The following TP53BP2 variants were observed in gnomAD, a reference collection of about 807,000 sequenced individuals.
TP53BP2 encodes the protein tumor protein p53 binding protein 2.
A neutral mutation model predicts 126.2 loss-of-function variants in TP53BP2; 62 were observed. That is an observed-to-expected ratio of 0.49 (90% CI 0.40 to 0.61). TP53BP2 has a LOEUF of 0.61. Ranked by LOEUF, TP53BP2 falls within the 20% of genes least tolerant of loss-of-function variation. The pLI is 0.00. For missense variants in TP53BP2, 1,215 were observed against 1,402.8 expected, an observed-to-expected ratio of 0.87 and a Z score of 2.14; for synonymous variants, 485 against 502.9, an observed-to-expected ratio of 0.96 and a Z score of 0.48.
At position 223,802,901 on chromosome 1, in the gene TP53BP2, TA is replaced by T. The variant is rs1662578715; in HGVS notation, c.832-7del. 6.2e-7 allele frequency: 1 copy of T among 1,613,828 alleles called. No homozygotes were observed. Among genetic ancestry groups the T allele is most frequent in the Non-Finnish European group, 8.5e-7 (1 of 1,179,976 alleles). On this transcript the variant is annotated splice_region_variant and splice_polypyrimidine_tract_variant and intron_variant, in intron 7 of 17. Transcript: ENST00000343537. ...TGATTCAATTTGTTTCTTAGCTGAA[TA>T]AAAGAGAGGGGAAAAAAGGTAGCCA...
At chr1:223,836,992 C>G (rs1043827447) in intron 1 of TP53BP2, among the ~76,000 whole-genome samples, 2 of 152,100 alleles carry the variant, frequency 1.3e-5, no homozygotes, top group African/African-American at 4.8e-5. Context: ...ACCTACATAT[C>G]ACAAACTAAG....
chr1:223,786,520 AAAATT>A (rs1451372639), intron 16 of TP53BP2, among the ~76,000 whole-genome samples: 15 of 152,250 alleles, frequency 9.9e-5, no homozygotes, highest in African/African-American at 2.4e-5. Flanking sequence ...GATGGTCAAT[AAAATT>A]AATACAGCAA....
rs1232323749 is a variant in TP53BP2 at position 223,796,997 on chromosome 1, G to A, written c.1949-407C>T. On this transcript the variant is annotated intron_variant, in intron 12 of 17. Coordinates refer to ENST00000343537, the MANE Select transcript of TP53BP2 (RefSeq NM_001031685.3). The surrounding 1 kb of genome is among the most constrained non-coding windows in gnomAD (Gnocchi z 4.2). ...TTTCACTTTTCAAAAGTGAATCAAC[G>A]TGAGAACTTCTATTTGGCTTATAAA... Among the ~76,000 whole-genome samples the A allele has an allele frequency of 2.0e-5, 3 of 152,096 alleles. No homozygotes were observed. The highest frequency in any genetic ancestry group is 4.4e-5 in the Non-Finnish European group (3 of 68,014).
At chr1:223,785,965 G>A (rs991356640) in intron 16 of TP53BP2, among the ~76,000 whole-genome samples, 4 of 152,072 alleles carry the variant, frequency 2.6e-5, no homozygotes, top group Admixed American at 6.6e-5. Flanking sequence ...GTACCAAAAT[G>A]TTCACAGGGA....
intron 11 of TP53BP2, 115 bp from the exon 12 acceptor site, chr1:223,798,792 C>A: frequency 1.0e-6 from 1 of 963,156 alleles, no homozygotes; most frequent in Non-Finnish European, 1.5e-6. Flanking sequence ...TTAGCTCTGG[C>A]CGGGTGCAGG....
At position 223,796,086 on chromosome 1, in the gene TP53BP2, T is replaced by C. The variant is rs771767038; in HGVS notation, c.2453A>G (p.Asp818Gly). The C allele has an allele frequency of 2.5e-6, 4 of 1,614,156 alleles. No homozygotes were observed. The East Asian group carries it at 8.9e-5, about 36-fold the overall frequency. The change falls in exon 13 of 18, where the codon GAT (aspartate) becomes GGT (glycine). Residue 818 changes from aspartate (D) to glycine (G), a missense_variant. Coordinates refer to ENST00000343537, the MANE Select transcript of TP53BP2 (RefSeq NM_001031685.3). The surrounding 1 kb of genome is among the most constrained non-coding windows in gnomAD (Gnocchi z 4.2). ...SLVPESLSPE[D>G]VGNASTENSD... ...GTTCTCTGTACTGGCATTCCCCACA[T>C]CCTCTGGGGACAATGATTCAGGAAC...
intron 1 of TP53BP2, among the ~76,000 whole-genome samples, chr1:223,823,740 G>A (rs1663397267): frequency 6.6e-6 from 1 of 152,200 alleles, no homozygotes; most frequent in African/African-American, 2.4e-5. Context: ...TGCTCCCAAA[G>A]TATACAGCAT....
chr1:223,798,480 T>C lies in TP53BP2; in HGVS notation c.1683A>G (p.Leu561=), dbSNP rs142755977. The C allele has an allele frequency of 9.7e-5, 156 of 1,614,212 alleles. No homozygotes were observed. In the Admixed American group the frequency reaches 1.0e-3, roughly 10 times the overall value. Residue 561 remains leucine (L), a synonymous_variant, in exon 12 of 18, where the codon CTA becomes CTG. Coordinates refer to ENST00000343537, the MANE Select transcript of TP53BP2 (RefSeq NM_001031685.3). ...GGCCAACCGAAGGTATGCTGGGAGA[T>C]AGCAGCACTCTCGGCTGCTGCCCTG... ...KPAGQQPRVL[L]SPSIPSVGQD... is the part of the protein sequence containing the mutation.
At chr1:223,791,692 T>C (rs186236145) in intron 15 of TP53BP2, among the ~76,000 whole-genome samples, 1 of 152,316 alleles carries the variant, frequency 6.6e-6, no homozygotes, top group Admixed American at 6.5e-5. Flanking sequence ...TATAGTGTGA[T>C]TACAACTTTT....
chr1:223,801,616 C>T (rs987158933), intron 9 of TP53BP2, among the ~76,000 whole-genome samples: 1 of 152,146 alleles, frequency 6.6e-6, no homozygotes, highest in Non-Finnish European at 1.5e-5. Flanking sequence ...ACACAAGGAG[C>T]CTCTGCTATT....
rs1287774564 is a variant in TP53BP2, at chr1:223,831,481, ATATATAT to A, written c.28-10121_28-10115del. ...ATGTACCATCTAAAAAAAAAAAAAAATATATATATATATATATATATATATATATATA... is the reference window on the plus strand; with the variant it reads ...ATGTACCATCTAAAAAAAAAAAAAAAATATATATATATATATATATATATA... On this transcript the variant is annotated intron_variant, in intron 1 of 17. Transcript: ENST00000343537. 8.2e-3 allele frequency among the ~76,000 whole-genome samples: 291 copies of A among 35,480 alleles called. 8 individuals carry two copies. The highest frequency in any genetic ancestry group is 0.014 in the African/African-American group (203 of 14,566). The allele number at this position is 35,480 out of a possible 152,430, so 23.3% of individuals were successfully genotyped here.
At position 223,798,303 on chromosome 1, in the gene TP53BP2, C is replaced by T. The variant is rs752104670; in HGVS notation, c.1860G>A (p.Thr620=). 8 of 1,614,074 alleles carry T rather than the reference C, an allele frequency of 5.0e-6. No homozygotes were observed. The Admixed American group carries it at 5.0e-5, about 10-fold the overall frequency. Residue 620 remains threonine (T), a synonymous_variant, in exon 12 of 18, where the codon ACG becomes ACA. Transcript: ENST00000343537. ...AGTTTTTTCCTGGCGCCTGCTGTTG[C>T]GTATACATGGAATATATTGAACTTG... ...VAASSIYSMY[T]QQQAPGKNFQ... is the part of the protein sequence containing the mutation.
chr1:223,788,913 T>C, intron 16 of TP53BP2, 95 bp downstream of exon 16: 4 of 1,379,718 alleles, frequency 2.9e-6, no homozygotes, highest in South Asian at 1.4e-5. Flanking sequence ...TAACACAAGA[T>C]TTTTTCCAAA....
At chr1:223,788,609 G>A (rs1662050468) in intron 16 of TP53BP2, among the ~76,000 whole-genome samples, 1 of 152,132 alleles carries the variant, frequency 6.6e-6, no homozygotes, top group Non-Finnish European at 1.5e-5. Flanking sequence ...TGATTTTTAG[G>A]AAAACTTGGA....
At chr1:223,835,602 T>C (rs1663896454) in intron 1 of TP53BP2, among the ~76,000 whole-genome samples, 1 of 152,194 alleles carries the variant, frequency 6.6e-6, no homozygotes, top group South Asian at 2.1e-4. Context: ...AACCGATCCA[T>C]TGCTTCTAGT....
chr1:223,845,567 C>A, intron 1 of TP53BP2, 87 bp downstream of exon 1: 1 of 1,385,154 alleles, frequency 7.2e-7, no homozygotes, highest in South Asian at 1.4e-5. Flanking sequence ...AGGCTCCTTC[C>A]CCGACGCGCC....
At chr1:223,813,385 T>G (rs886860138) in intron 3 of TP53BP2, among the ~76,000 whole-genome samples, 1 of 152,140 alleles carries the variant, frequency 6.6e-6, no homozygotes, top group Non-Finnish European at 1.5e-5. Flanking sequence ...TTGACCACTA[T>G]TTCCTTTCAA....
intron 2 of TP53BP2, 94 bp downstream of exon 2, chr1:223,821,126 G>A (rs900807340): frequency 4.9e-5 from 74 of 1,507,960 alleles, no homozygotes; most frequent in Admixed American, 1.3e-4. Context: ...GTTTCTCCCC[G>A]GAGAAACATG....
In TP53BP2 at chr1:223,810,477, C is replaced by A. The variant is rs777720999; in HGVS notation, c.326G>T (p.Arg109Ile). ...GPRSQDPSLK[R>I]NGVKVPGEYR... is the part of the protein sequence containing the mutation. The stretch of plus-strand genomic sequence containing the variant: ...TTCACCAGGAACTTTTACACCATTT[C>A]TTTTTAAACTTGGATCCTGAGATCT... Residue 109 changes from arginine to isoleucine, a missense_variant, in exon 4 of 18, where the codon AGA becomes ATA. Around this residue, in one of 4 missense-constraint regions of TP53BP2, gnomAD observed 814 missense variants for 853.0 expected, o/e 0.95. Coordinates refer to ENST00000343537, the MANE Select transcript of TP53BP2 (RefSeq NM_001031685.3). The A allele has an allele frequency of 6.2e-7, 1 of 1,608,994 alleles. No homozygotes were observed. Among genetic ancestry groups the A allele is most frequent in the South Asian group, 1.1e-5 (1 of 89,920 alleles).
Sources: allele counts gnomAD v4.1 joint callset (sites outside exome capture counted in the v4.1 genomes callset), GRCh38; gene constraint gnomAD v4.1.1; regional missense constraint gnomAD v4.1.1; non-coding constraint Gnocchi (gnomAD v3.1); transcripts MANE v1.5; gene names NCBI Gene and HGNC (gene_info 2026-07-23, HGNC 2026-07-21).